Variants in CCDC150 observed in about 807,000 individuals in gnomAD.
The protein encoded by CCDC150 is coiled-coil domain-containing protein 150.
A neutral mutation model predicts 156.5 loss-of-function variants in CCDC150; 151 were observed. The ratio of observed to expected loss-of-function variants is 0.97; its 90% CI spans 0.85 to 1.10. The LOEUF (loss-of-function observed/expected upper bound fraction) is 1.10, where lower values mean the gene tolerates loss of function less well. Among genes scored for constraint, CCDC150 ranks in the 50% least tolerant of loss-of-function variants. CCDC150 has a pLI of 0.00. For missense variants in CCDC150, 1,312 were observed against 1,268.1 expected, an observed-to-expected ratio of 1.03 and a Z score of -0.53; for synonymous variants, 452 against 429.4, an observed-to-expected ratio of 1.05 and a Z score of -0.65.
In CCDC150 at chr2:196,722,355, A is replaced by G. The variant is rs1575966127; in HGVS notation, c.2429+664A>G. Among the ~76,000 whole-genome samples the G allele has an allele frequency of 2.6e-5, 4 of 152,104 alleles. No homozygotes were observed. The East Asian group carries it at 7.7e-4, about 29-fold the overall frequency. On this transcript the variant is annotated intron_variant, in intron 21 of 27. Coordinates refer to ENST00000389175, the MANE Select transcript of CCDC150 (RefSeq NM_001080539.2). ...CAGTGGTGTGATCATGGCTCACTGCAGCCTCTACTTCCTGGGCTCATGCAG... is the reference window on the plus strand; with the variant it reads ...CAGTGGTGTGATCATGGCTCACTGCGGCCTCTACTTCCTGGGCTCATGCAG...
At chr2:196,645,526 A>T (rs531445483) in intron 1 of CCDC150, among the ~76,000 whole-genome samples, 1 of 152,370 alleles carries the variant, frequency 6.6e-6, no homozygotes, top group East Asian at 1.9e-4. Flanking sequence ...CAGAGAACGG[A>T]GTTGCAGGAC....
intron 1 of CCDC150, among the ~76,000 whole-genome samples, chr2:196,644,850 C>T (rs1692437033): frequency 6.6e-6 from 1 of 151,978 alleles, no homozygotes; most frequent in African/African-American, 2.4e-5. Context: ...CGTGATGGCT[C>T]ATGCCTGTAA....
At chr2:196,676,768 G>T (rs759319497) in intron 12 of CCDC150, 37 bp downstream of exon 12, 1 of 1,521,422 alleles carries the variant, frequency 6.6e-7, no homozygotes, top group Non-Finnish European at 9.0e-7. Context: ...TTCTCATTGT[G>T]GTGTGATGAT....
intron 26 of CCDC150, 76 bp from the exon 27 acceptor site, chr2:196,731,957 A>C (rs1168811774): frequency 2.1e-6 from 3 of 1,442,152 alleles, no homozygotes; most frequent in African/African-American, 2.9e-5. Flanking sequence ...CTAAGTAAAA[A>C]ATCTCTGCAA....
chr2:196,648,861 T>TA (rs1320186391), intron 2 of CCDC150, among the ~76,000 whole-genome samples: 1 of 152,210 alleles, frequency 6.6e-6, no homozygotes, highest in Non-Finnish European at 1.5e-5. Flanking sequence ...TGTATGTGGA[T>TA]AGTCAGTTTT....
chr2:196,699,217 A>G (rs922887312), intron 14 of CCDC150, among the ~76,000 whole-genome samples: 1 of 152,144 alleles, frequency 6.6e-6, no homozygotes, highest in East Asian at 1.9e-4. Context: ...TTTAAAACAT[A>G]TTTTCCTTTG....
intron 13 of CCDC150, among the ~76,000 whole-genome samples, chr2:196,682,860 C>T (rs1423052114): frequency 1.3e-5 from 2 of 152,110 alleles, no homozygotes; most frequent in African/African-American, 2.4e-5. Context: ...TATAAATTAT[C>T]TCTATTTGTA....
intron 14 of CCDC150, among the ~76,000 whole-genome samples, chr2:196,696,682 CT>C (rs1330912126): frequency 6.6e-6 from 1 of 152,200 alleles, no homozygotes; most frequent in East Asian, 1.9e-4. Flanking sequence ...CCTGGAAATG[CT>C]TCGGTTGGCT....
At chr2:196,725,108 T>C (rs1363389986) in intron 21 of CCDC150, among the ~76,000 whole-genome samples, 1 of 152,096 alleles carries the variant, frequency 6.6e-6, no homozygotes, top group African/African-American at 2.4e-5. Flanking sequence ...GTGGAGAACA[T>C]GGATATATTA....
Position 196,676,748 on chromosome 2 carries a change from T to A in CCDC150, c.1440+17T>A, listed in dbSNP as rs776435444. On this transcript the variant is annotated intron_variant, in intron 12 of 27. Coordinates refer to ENST00000389175, the MANE Select transcript of CCDC150 (RefSeq NM_001080539.2). ...CAGAGGGAGGTAGGTAGAAGCAAAT[T>A]TACATTATCTTCTCATTGTGGTGTG... is the stretch of plus-strand genomic sequence containing the variant. 1.3e-6 allele frequency: 2 copies of A among 1,583,786 alleles called. No homozygotes were observed. The highest frequency in any genetic ancestry group is 1.7e-6 in the Non-Finnish European group (2 of 1,156,130).
intron 22 of CCDC150, 181 bp downstream of exon 22, chr2:196,726,280 C>A (rs921785699): frequency 2.3e-5 from 13 of 565,856 alleles, no homozygotes; most frequent in Non-Finnish European, 3.9e-5. Flanking sequence ...TGACATAATT[C>A]TCTGCCCGAC....
chr2:196,717,690 G>C (rs572181267), intron 17 of CCDC150, among the ~76,000 whole-genome samples: 2 of 152,078 alleles, frequency 1.3e-5, no homozygotes, highest in East Asian at 3.9e-4. Context: ...TTAGGAGTTC[G>C]AGACCAGCCT....
chr2:196,672,314 G>A (rs1269057960), intron 8 of CCDC150, 31 bp from the exon 9 acceptor site: 6 of 1,212,172 alleles, frequency 4.9e-6, no homozygotes, highest in Middle Eastern at 3.9e-4. Flanking sequence ...TCTCTTATAT[G>A]TGAAAAAGAG....
At position 196,676,152 on chromosome 2, in the gene CCDC150, A is replaced by G. The variant is rs762373803; in HGVS notation, c.1147A>G (p.Lys383Glu). The G allele has an allele frequency of 5.0e-6, 8 of 1,613,576 alleles. No individual in the cohort carries two copies. The Admixed American group carries it at 1.0e-4, about 20-fold the overall frequency. Residue 383 changes from lysine (K) to glutamate (E), a missense_variant, in exon 11 of 28, where the codon AAA (lysine) becomes GAA (glutamate). Physicochemically the swap from Lys to Glu is moderately conservative, Grantham distance 56 (BLOSUM62 1). Transcript: ENST00000389175. Reference sequence around the variant, plus strand: ...TGCTTTTAACACTCAGGTAGAGCAGAAAATGATGACGCAGACATTTCAAGA... The same window carrying G: ...TGCTTTTAACACTCAGGTAGAGCAGGAAATGATGACGCAGACATTTCAAGA... ...DHQAILQVEQ[K>E]MMTQTFQEQN...
intron 2 of CCDC150, among the ~76,000 whole-genome samples, chr2:196,649,503 C>T (rs770964854): frequency 5.9e-5 from 9 of 152,112 alleles, no homozygotes; most frequent in Middle Eastern, 3.2e-3. Context: ...CATGGTATAC[C>T]GGTTTATAGC....
intron 8 of CCDC150, among the ~76,000 whole-genome samples, chr2:196,671,173 TATC>T (rs1163411098): frequency 6.6e-6 from 1 of 152,178 alleles, no homozygotes; most frequent in African/African-American, 2.4e-5. Flanking sequence ...TGTTTTATAG[TATC>T]ATTCAGAGTA....
chr2:196,661,806 G>T (rs963114460), intron 5 of CCDC150, among the ~76,000 whole-genome samples: 1 of 152,004 alleles, frequency 6.6e-6, no homozygotes, highest in East Asian at 1.9e-4. Context: ...ACTTTTGTAC[G>T]GCACATTGTA....
Position 196,729,301 on chromosome 2 carries a change from A to G in CCDC150, c.2665A>G (p.Lys889Glu), listed in dbSNP as rs1698398856. 6.2e-7 allele frequency: 1 copy of G among 1,613,954 alleles called. No homozygotes were observed. Among genetic ancestry groups the G allele is most frequent in the Non-Finnish European group, 8.5e-7 (1 of 1,179,854 alleles). The change falls in exon 23 of 28, where the codon AAG (lysine) becomes GAG (glutamate). Residue 889 changes from lysine (K) to glutamate (E), a missense_variant. Transcript: ENST00000389175. ...AELEKILESNKEKIKNQKTQI... is the reference protein window; with the variant it reads ...AELEKILESNEEKIKNQKTQI... The stretch of plus-strand genomic sequence containing the variant: ...GCTAGAAAAAATACTAGAAAGTAAC[A>G]AGGAGAAAATAAAGAATCAAAAGAC...
At chr2:196,654,012 G>A (rs1016069625) in intron 2 of CCDC150, among the ~76,000 whole-genome samples, 3 of 152,168 alleles carry the variant, frequency 2.0e-5, no homozygotes, top group Non-Finnish European at 4.4e-5. Flanking sequence ...GAGAGAAAGA[G>A]GAGGAGATGC....
Sources: allele counts gnomAD v4.1 joint callset (sites outside exome capture counted in the v4.1 genomes callset), GRCh38; gene constraint gnomAD v4.1.1; transcripts MANE v1.5; gene names NCBI Gene and HGNC (gene_info 2026-07-23, HGNC 2026-07-21).